The following USH1C variants were observed in gnomAD, a reference collection of about 807,000 sequenced individuals.
USH1C encodes the protein USH1 protein network component harmonin.
A neutral mutation model predicts 119.3 loss-of-function variants in USH1C; 90 were observed. The ratio of observed to expected loss-of-function variants is 0.75; its 90% CI spans 0.64 to 0.90. The LOEUF (loss-of-function observed/expected upper bound fraction) is 0.90, where lower values mean the gene tolerates loss of function less well. Ranked by LOEUF, USH1C falls within the 40% of genes least tolerant of loss-of-function variation. USH1C has a pLI of 0.00. For missense variants in USH1C, 1,165 were observed against 1,167.7 expected (o/e 1.00, Z 0.03); for synonymous variants, 465 against 443.3 (o/e 1.05, Z -0.62).
chr11:17,502,551 G>A (rs1332384872), intron 20 of USH1C, among the ~76,000 whole-genome samples: 1 of 152,252 alleles, frequency 6.6e-6, no homozygotes, highest in Non-Finnish European at 1.5e-5. Context: ...GAGCCTGGCA[G>A]TGTCCTCATG....
rs145466716 is a variant in USH1C, at chr11:17,522,630, C to T, written c.1019+154G>A. Among the ~76,000 whole-genome samples the T allele has an allele frequency of 4.5e-3, 686 of 152,250 alleles. 14 individuals are homozygous for T. Among genetic ancestry groups the T allele is most frequent in the Admixed American group, 0.028 (433 of 15,286 alleles). ...GGTGGTCTGAGGCCAAGGATGGATA[C>T]GCTGACCTACCACCAAACTCATCTG... On this transcript the variant is annotated intron_variant, in intron 12 of 26. Coordinates refer to ENST00000005226, the MANE Select transcript of USH1C (RefSeq NM_153676.4).
intron 14 of USH1C, 60 bp downstream of exon 14, chr11:17,520,810 G>T: frequency 6.2e-7 from 1 of 1,605,328 alleles, no homozygotes; most frequent in South Asian, 1.1e-5. Flanking sequence ...GGTGAGGGGA[G>T]GGAGGGCCAG....
intron 14 of USH1C, among the ~76,000 whole-genome samples, 189 bp downstream of exon 14, chr11:17,520,681 G>T (rs181836932): frequency 1.3e-5 from 2 of 152,322 alleles, no homozygotes; most frequent in Admixed American, 1.3e-4. Flanking sequence ...CCGTGAACAA[G>T]GGGAGCAGAC....
intron 1 of USH1C, among the ~76,000 whole-genome samples, chr11:17,541,218 G>T (rs764081897): frequency 7.2e-5 from 11 of 151,990 alleles, no homozygotes; most frequent in African/African-American, 2.4e-5. Flanking sequence ...TTTTTTCATA[G>T]AATTTATCAC....
intron 8 of USH1C, among the ~76,000 whole-genome samples, 177 bp downstream of exon 8, chr11:17,526,170 C>CA (rs1850660357): frequency 6.6e-6 from 1 of 152,204 alleles, no homozygotes; most frequent in Admixed American, 6.5e-5. Context: ...CACTGCACTC[C>CA]AGCCTGGGCA....
chr11:17,525,398 G>A (rs1200725827), intron 8 of USH1C, among the ~76,000 whole-genome samples: 1 of 152,254 alleles, frequency 6.6e-6, no homozygotes, highest in Non-Finnish European at 1.5e-5. Flanking sequence ...TGAATGAAAG[G>A]AAAGAACAGG....
At chr11:17,511,877 C>T (rs374822823) in intron 16 of USH1C, 25 bp downstream of exon 16, 7 of 1,604,220 alleles carry the variant, frequency 4.4e-6, no homozygotes, top group Non-Finnish European at 5.1e-6. Flanking sequence ...GGGTTGCTTG[C>T]CTGGCCTGCA....
intron 7 of USH1C, 96 bp downstream of exon 7, chr11:17,526,657 G>A: frequency 2.2e-6 from 3 of 1,388,664 alleles, no homozygotes; most frequent in South Asian, 1.2e-5. Flanking sequence ...AAGCCCCTGA[G>A]GGTGCATCTC....
intron 11 of USH1C, 117 bp downstream of exon 11, chr11:17,523,094 T>A: frequency 1.3e-6 from 2 of 1,576,780 alleles, no homozygotes; most frequent in South Asian, 1.1e-5. Flanking sequence ...CTCGCTCTGC[T>A]CTGTCAGAGC....
At position 17,509,344 on chromosome 11, in the gene USH1C, C is replaced by T; in HGVS notation, c.2013+12G>A. On this transcript the variant is annotated intron_variant, in intron 18 of 26. Coordinates refer to ENST00000005226, the MANE Select transcript of USH1C (RefSeq NM_153676.4). The stretch of plus-strand genomic sequence containing the variant: ...CTACTTCCAAACATAGCATGCAGAA[C>T]AGGGACATTACCTTTGGGGTGGGTG... The T allele has an allele frequency of 6.4e-7, 1 of 1,567,342 alleles. No individual in the cohort carries two copies. Among genetic ancestry groups the T allele is most frequent in the Non-Finnish European group, 8.7e-7 (1 of 1,151,592 alleles).
intron 26 of USH1C, 37 bp downstream of exon 26, chr11:17,495,532 G>A (rs750839464): frequency 5.6e-6 from 9 of 1,594,300 alleles, no homozygotes; most frequent in Non-Finnish European, 7.7e-6. Context: ...CAAGCAGCAG[G>A]GACACACAGG....
At position 17,540,554 on chromosome 11, in the gene USH1C, C is replaced by T. The variant is rs144908727; in HGVS notation, c.36+3718G>A. Among the ~76,000 whole-genome samples the T allele has an allele frequency of 4.0e-3, 610 of 152,214 alleles. 4 individuals are homozygous for T. Among genetic ancestry groups the T allele is most frequent in the Non-Finnish European group, 4.8e-3 (324 of 68,018 alleles). On this transcript the variant is annotated intron_variant, in intron 1 of 26. Transcript: ENST00000005226. Reference sequence around the variant, plus strand: ...GCCAGACCTACAGCCTTCTCAGTCACCTCTAGCAGGCGTCTCAAACTTACA... The same window carrying T: ...GCCAGACCTACAGCCTTCTCAGTCATCTCTAGCAGGCGTCTCAAACTTACA...
chr11:17,500,621 C>T (rs1003389586), intron 23 of USH1C, among the ~76,000 whole-genome samples: 6 of 152,114 alleles, frequency 3.9e-5, no homozygotes, highest in African/African-American at 9.7e-5. Flanking sequence ...CTCCCCTTCG[C>T]GAGGCTGACA....
chr11:17,493,992 GGAGA>G lies in USH1C; in HGVS notation c.*336_*339del, dbSNP rs544424548. 17 of 406,484 alleles carry G rather than the reference GGAGA, an allele frequency of 4.2e-5. No homozygotes were observed. The East Asian group carries it at 6.7e-4, about 16-fold the overall frequency. 25.2% of individuals were successfully genotyped at this position (406,484 alleles called of 1,614,324 possible). A position where few individuals can be genotyped will look rare whatever the true frequency, so the allele number is the denominator to read the frequency against. The stretch of plus-strand genomic sequence containing the variant: ...AGAGCAGAGGGCAGAGGAGAGGGAT[GGAGA>G]GAGAGAGACTCCAGTGGGGTCTTAT... On this transcript the variant is annotated 3_prime_UTR_variant, in exon 27 of 27. Coordinates refer to ENST00000005226, the MANE Select transcript of USH1C (RefSeq NM_153676.4).
intron 1 of USH1C, among the ~76,000 whole-genome samples, chr11:17,539,974 G>T (rs1176191490): frequency 6.6e-6 from 1 of 151,700 alleles, no homozygotes; most frequent in Non-Finnish European, 1.5e-5. Flanking sequence ...TGGGACTACA[G>T]GTGCACAACA....
chr11:17,524,731 A>G (rs1850581261), intron 8 of USH1C, among the ~76,000 whole-genome samples, 196 bp from the exon 9 acceptor site: 1 of 151,270 alleles, frequency 6.6e-6, no homozygotes, highest in East Asian at 1.9e-4. Context: ...TTCCTACCCA[A>G]CCTCTCACCT....
Position 17,522,767 on chromosome 11 carries a change from G to C in USH1C, c.1019+17C>G, listed in dbSNP as rs374520795. The C allele has an allele frequency of 1.6e-5, 26 of 1,613,690 alleles. No homozygotes were observed. The highest frequency in any genetic ancestry group is 1.3e-5 in the African/African-American group (1 of 74,894). On this transcript the variant is annotated intron_variant, in intron 12 of 26. Transcript: ENST00000005226. ...GGTGGGAGGCGGGACAGGGCATCCA[G>C]GGCTGGCTGCACTCACTGCCGCTCC...
At chr11:17,516,989 C>T (rs903261359) in intron 14 of USH1C, among the ~76,000 whole-genome samples, 2 of 152,124 alleles carry the variant, frequency 1.3e-5, no homozygotes, top group Non-Finnish European at 2.9e-5. Flanking sequence ...GGGCCAAGAG[C>T]GATGGCTGAA....
chr11:17,525,602 G>A (rs999826876), intron 8 of USH1C, among the ~76,000 whole-genome samples: 1 of 152,186 alleles, frequency 6.6e-6, no homozygotes, highest in Non-Finnish European at 1.5e-5. Flanking sequence ...TGGGAAAGCA[G>A]GGCTGGAACT....
Sources: allele counts gnomAD v4.1 joint callset (sites outside exome capture counted in the v4.1 genomes callset), GRCh38; gene constraint gnomAD v4.1.1; transcripts MANE v1.5; gene names NCBI Gene and HGNC (gene_info 2026-07-23, HGNC 2026-07-21).